The following CDC42BPA variants were observed in gnomAD, a reference collection of about 807,000 sequenced individuals.
CDC42BPA encodes the protein CDC42 binding protein kinase alpha.
In CDC42BPA, 80 loss-of-function variants were observed where a neutral mutation model predicts 223.5. The ratio of observed to expected loss-of-function variants is 0.36; its 90% CI spans 0.30 to 0.43. The LOEUF (loss-of-function observed/expected upper bound fraction) is 0.43, where lower values mean the gene tolerates loss of function less well. CDC42BPA is among the 20% of genes least tolerant of loss of function. The pLI, the probability that CDC42BPA is intolerant of heterozygous loss-of-function variation, is 1.00. For missense variants in CDC42BPA, 1,743 were observed against 2,099.9 expected, an observed-to-expected ratio of 0.83 and a Z score of 3.32; for synonymous variants, 694 against 718.6, an observed-to-expected ratio of 0.97 and a Z score of 0.55.
At chr1:227,235,568 T>C (rs937793102) in intron 2 of CDC42BPA, among the ~76,000 whole-genome samples, 3 of 152,180 alleles carry the variant, frequency 2.0e-5, no homozygotes, top group Non-Finnish European at 4.4e-5. Context: ...CTTTTGTGTA[T>C]ACTATTTGAA....
intron 35 of CDC42BPA, among the ~76,000 whole-genome samples, chr1:226,995,323 G>A (rs555650720): frequency 4.6e-4 from 70 of 152,306 alleles, no homozygotes; most frequent in African/African-American, 1.6e-3. Flanking sequence ...GCCACTGACG[G>A]CTCCCAGCCA....
chr1:227,102,868 C>T (rs1000605462), intron 14 of CDC42BPA, among the ~76,000 whole-genome samples: 2 of 151,896 alleles, frequency 1.3e-5, no homozygotes, highest in African/African-American at 4.8e-5. Flanking sequence ...ATGTAAAAAT[C>T]CAAATGATAA....
intron 1 of CDC42BPA, among the ~76,000 whole-genome samples, chr1:227,260,180 G>A (rs1683802622): frequency 6.6e-6 from 1 of 150,838 alleles, no homozygotes; most frequent in Non-Finnish European, 1.5e-5. Flanking sequence ...ATTCCCAAAA[G>A]GTTTGAAATA....
At chr1:227,120,925 T>C (rs1688555368) in intron 11 of CDC42BPA, among the ~76,000 whole-genome samples, 1 of 152,142 alleles carries the variant, frequency 6.6e-6, no homozygotes, top group African/African-American at 2.4e-5. Flanking sequence ...TCATCAGGCA[T>C]TAGTCAGATT....
At chr1:227,266,627 T>C (rs2670471) in intron 1 of CDC42BPA, among the ~76,000 whole-genome samples, 95,591 of 152,100 alleles carry the variant, frequency 0.63, 30,206 homozygotes, top group East Asian at 0.75. Flanking sequence ...TATCACTAGT[T>C]TATAACTTAT....
At chr1:227,033,284 C>G (rs778810968) in intron 27 of CDC42BPA, 50 bp downstream of exon 27, 1 of 1,219,026 alleles carries the variant, frequency 8.2e-7, no homozygotes, top group African/African-American at 1.5e-5. Flanking sequence ...GCAAAATATA[C>G]TCATTAAAAA....
intron 21 of CDC42BPA, among the ~76,000 whole-genome samples, chr1:227,068,309 G>C (rs1677526328): frequency 6.7e-6 from 1 of 150,240 alleles, no homozygotes; most frequent in Non-Finnish European, 1.5e-5. Context: ...AAAGAAAAGG[G>C]AAAAGTAAAA....
chr1:227,257,759 A>T (rs1005034247), intron 1 of CDC42BPA, among the ~76,000 whole-genome samples: 5 of 150,640 alleles, frequency 3.3e-5, no homozygotes, highest in Non-Finnish European at 5.9e-5. Context: ...GTCTCAAAAA[A>T]AAAAGGAAGA....
chr1:227,148,303 A>C (rs1031333114), intron 6 of CDC42BPA, among the ~76,000 whole-genome samples: 1 of 152,184 alleles, frequency 6.6e-6, no homozygotes, highest in Non-Finnish European at 1.5e-5. Flanking sequence ...AAAAAGTGGA[A>C]GAAAAAATAA....
chr1:227,015,991 C>A, intron 34 of CDC42BPA, 89 bp downstream of exon 34: 1 of 717,318 alleles, frequency 1.4e-6, no homozygotes, highest in Non-Finnish European at 2.5e-6. Flanking sequence ...TTTCACATAT[C>A]CTTTGAAGTC....
chr1:227,011,776 G>T (rs1665265127), intron 34 of CDC42BPA, among the ~76,000 whole-genome samples: 2 of 152,154 alleles, frequency 1.3e-5, no homozygotes, highest in Admixed American at 1.3e-4. Context: ...AGAGATAAAA[G>T]AACTACTTCC....
intron 1 of CDC42BPA, among the ~76,000 whole-genome samples, chr1:227,285,202 T>C (rs1202693024): frequency 1.3e-5 from 2 of 152,220 alleles, no homozygotes; most frequent in Non-Finnish European, 2.9e-5. Flanking sequence ...TCTGGAACTA[T>C]GATTCTTAAT....
At chr1:227,147,334 T>C (rs1271679878) in intron 7 of CDC42BPA, 25 bp downstream of exon 7, 19 of 1,555,400 alleles carry the variant, frequency 1.2e-5, no homozygotes, top group Non-Finnish European at 1.7e-5. Context: ...CCACATTAAT[T>C]TGAACAAAAG....
chr1:227,024,070 G>T (rs1250285377), intron 31 of CDC42BPA, among the ~76,000 whole-genome samples: 1 of 152,022 alleles, frequency 6.6e-6, no homozygotes, highest in Admixed American at 6.6e-5. Context: ...AGAAGAAAAA[G>T]ATTTACATAT....
intron 1 of CDC42BPA, among the ~76,000 whole-genome samples, chr1:227,304,996 CAT>C (rs1692301601): frequency 1.3e-5 from 2 of 152,112 alleles, no homozygotes; most frequent in East Asian, 1.9e-4. Context: ...CACACACACA[CAT>C]ACATACATAA....
At chr1:227,260,008 T>C (rs762065304) in intron 1 of CDC42BPA, among the ~76,000 whole-genome samples, 102 of 146,346 alleles carry the variant, frequency 7.0e-4, no homozygotes, top group South Asian at 1.1e-3. Context: ...CTAAGCCAAG[T>C]ACCATACTAA....
intron 21 of CDC42BPA, among the ~76,000 whole-genome samples, chr1:227,062,213 C>T (rs1270556534): frequency 6.6e-6 from 1 of 152,148 alleles, no homozygotes; most frequent in East Asian, 1.9e-4. Context: ...ATTGAAATCT[C>T]CCTCTGTCCA....
At chr1:227,189,707 G>A (rs879558529) in intron 5 of CDC42BPA, among the ~76,000 whole-genome samples, 8 of 152,018 alleles carry the variant, frequency 5.3e-5, no homozygotes, top group Admixed American at 4.6e-4. Context: ...AAACCTTTGT[G>A]CAAATTTTTT....
Position 227,262,532 on chromosome 1 carries a change from TA to T in CDC42BPA, c.179-8378del, listed in dbSNP as rs1250877400. Reference sequence around the variant, plus strand: ...ATGTAAAATGTTGCTAGATGCCTCATAAACTTTGACTAAGAAATAATGTTCT... The same window carrying T: ...ATGTAAAATGTTGCTAGATGCCTCATAACTTTGACTAAGAAATAATGTTCT... On this transcript the variant is annotated intron_variant, in intron 1 of 36. Coordinates refer to ENST00000366766, the MANE Select transcript of CDC42BPA (RefSeq NM_001394014.1). Among the ~76,000 whole-genome samples the T allele has an allele frequency of 3.3e-5, 5 of 152,298 alleles. No individual in the cohort carries two copies. In the East Asian group the frequency reaches 9.6e-4, roughly 29 times the overall value.
Sources: allele counts gnomAD v4.1 joint callset (sites outside exome capture counted in the v4.1 genomes callset), GRCh38; gene constraint gnomAD v4.1.1; transcripts MANE v1.5; gene names NCBI Gene and HGNC (gene_info 2026-07-23, HGNC 2026-07-21).